AK4: variants seen among roughly 807,000 people sequenced by gnomAD.
AK4 encodes adenylate kinase 4, also known as adenylate kinase 4, mitochondrial.
Under a neutral mutation model 24.6 loss-of-function variants are expected in AK4, and 13 were observed. The observed-to-expected ratio is 0.53, with a 90% CI of 0.34 to 0.84. AK4 has a LOEUF of 0.84. Among genes scored for constraint, AK4 ranks in the 40% least tolerant of loss-of-function variants. The pLI is 0.01. For synonymous variants in AK4, 88 were observed against 107.0 expected (o/e 0.82, Z 1.10); for missense variants, 192 against 288.2 (o/e 0.67, Z 2.42).
intron 2 of AK4, among the ~76,000 whole-genome samples, chr1:65,200,028 A>C (rs894269521): frequency 3.6e-5 from 4 of 112,526 alleles, no homozygotes; most frequent in African/African-American, 1.9e-4. Context: ...GCACTAAGAG[A>C]GACCACATGA....
intron 1 of AK4, among the ~76,000 whole-genome samples, chr1:65,189,125 G>T (rs558221838): frequency 3.3e-5 from 5 of 151,392 alleles, no homozygotes; most frequent in Non-Finnish European, 7.4e-5. Context: ...AGTAGAGATG[G>T]TATTTCACCA....
At chr1:65,158,998 C>G (rs1650068044) in intron 1 of AK4, among the ~76,000 whole-genome samples, 1 of 152,196 alleles carries the variant, frequency 6.6e-6, no homozygotes, top group Non-Finnish European at 1.5e-5. Flanking sequence ...AGTCTCACCT[C>G]TAAGTTCTGA....
intron 1 of AK4, among the ~76,000 whole-genome samples, chr1:65,175,500 C>T (rs920813567): frequency 2.6e-5 from 4 of 152,228 alleles, no homozygotes; most frequent in African/African-American, 4.8e-5. Flanking sequence ...GTGCATGGCA[C>T]AGCCGGATAG....
intron 2 of AK4, among the ~76,000 whole-genome samples, chr1:65,208,234 T>G (rs192436578): frequency 3.3e-5 from 5 of 152,318 alleles, no homozygotes; most frequent in Admixed American, 6.5e-5. Context: ...AGCTGCTGCT[T>G]CTTTTCACCA....
intron 2 of AK4, among the ~76,000 whole-genome samples, chr1:65,218,039 C>T (rs1652184850): frequency 2.0e-5 from 3 of 152,090 alleles, no homozygotes; most frequent in South Asian, 4.1e-4. Context: ...GGCGAGAATC[C>T]TGAAAATCAA....
At chr1:65,152,384 ATT>A (rs552572978) in intron 1 of AK4, among the ~76,000 whole-genome samples, 23 of 16,454 alleles carry the variant, frequency 1.4e-3, no homozygotes, top group African/African-American at 3.0e-3. Flanking sequence ...ATATATATAT[ATT>A]TTTTTTTTTT....
intron 2 of AK4, among the ~76,000 whole-genome samples, chr1:65,214,921 C>T (rs1402592806): frequency 6.6e-6 from 1 of 152,142 alleles, no homozygotes; most frequent in Non-Finnish European, 1.5e-5. Flanking sequence ...ACTTGTTCTT[C>T]AAAGTGGTTT....
intron 1 of AK4, among the ~76,000 whole-genome samples, chr1:65,159,702 G>T (rs1022270094): frequency 2.6e-5 from 4 of 151,912 alleles, no homozygotes; most frequent in Non-Finnish European, 4.4e-5. Flanking sequence ...GGGCGTGGTG[G>T]CTCATGCCTG....
chr1:65,211,326 C>T (rs765088201), intron 2 of AK4, among the ~76,000 whole-genome samples: 13 of 152,254 alleles, frequency 8.5e-5, no homozygotes, highest in Non-Finnish European at 1.6e-4. Context: ...AAAATCTGGT[C>T]TGTGCGTGTA....
At chr1:65,190,077 A>C in intron 1 of AK4, among the ~76,000 whole-genome samples, 1 of 152,086 alleles carries the variant, frequency 6.6e-6, no homozygotes, top group East Asian at 1.9e-4. Context: ...GTTCCTTGTT[A>C]CCATAAACTG....
chr1:65,205,719 A>G (rs1321953074), intron 2 of AK4, among the ~76,000 whole-genome samples: 3 of 152,046 alleles, frequency 2.0e-5, no homozygotes, highest in Admixed American at 6.5e-5. Flanking sequence ...CCTGTGTTAT[A>G]TCCTTTTTGT....
At position 65,226,184 on chromosome 1, in the gene AK4, C is replaced by T. The variant is rs1652455900; in HGVS notation, c.*7C>T. ...GTCCAAAGAAGCATATTGACCCTGCCCAATGGAAGAACCAGGAAGATGTGG... is the reference window on the plus strand; with the variant it reads ...GTCCAAAGAAGCATATTGACCCTGCTCAATGGAAGAACCAGGAAGATGTGG... On this transcript the variant is annotated 3_prime_UTR_variant, in exon 5 of 5. Transcript: ENST00000327299. 6.3e-7 allele frequency: 1 copy of T among 1,590,808 alleles called. No individual in the cohort carries two copies. Among genetic ancestry groups the T allele is most frequent in the South Asian group, 1.1e-5 (1 of 88,848 alleles).
intron 1 of AK4, among the ~76,000 whole-genome samples, chr1:65,180,699 G>A (rs1252790272): frequency 6.6e-6 from 1 of 152,086 alleles, no homozygotes; most frequent in Non-Finnish European, 1.5e-5. Flanking sequence ...TTCTACTTCA[G>A]TGCCAAAATA....
intron 1 of AK4, among the ~76,000 whole-genome samples, chr1:65,182,972 T>C (rs1251433541): frequency 1.3e-5 from 2 of 152,212 alleles, no homozygotes; most frequent in African/African-American, 2.4e-5. Flanking sequence ...ACTTTTGCTA[T>C]TGAAAGCTTT....
intron 2 of AK4, among the ~76,000 whole-genome samples, chr1:65,205,523 C>CT (rs1420351108): frequency 1.7e-4 from 26 of 152,220 alleles, no homozygotes; most frequent in Admixed American, 1.7e-3. Flanking sequence ...GCGTGAGCCA[C>CT]TATGCACAGC....
At chr1:65,152,112 A>G (rs529622978) in intron 1 of AK4, among the ~76,000 whole-genome samples, 12 of 152,100 alleles carry the variant, frequency 7.9e-5, no homozygotes, top group African/African-American at 2.4e-4. Flanking sequence ...CTGATATTTA[A>G]TGATAGATTC....
At chr1:65,184,275 C>A (rs1469360538) in intron 1 of AK4, among the ~76,000 whole-genome samples, 1 of 152,142 alleles carries the variant, frequency 6.6e-6, no homozygotes, top group East Asian at 1.9e-4. Flanking sequence ...ATCCATCTAT[C>A]TTTCTCTCTA....
intron 1 of AK4, among the ~76,000 whole-genome samples, chr1:65,189,299 T>G (rs1410588608): frequency 6.6e-6 from 1 of 150,766 alleles, no homozygotes; most frequent in African/African-American, 2.4e-5. Context: ...TTTTTTTTTT[T>G]TTTTGAGATG....
chr1:65,158,668 A>C (rs6680612), intron 1 of AK4, among the ~76,000 whole-genome samples: 1 of 149,758 alleles, frequency 6.7e-6, no homozygotes, highest in African/African-American at 2.4e-5. Context: ...GACCTGCTAA[A>C]TTTTTTTTTT....
Sources: allele counts gnomAD v4.1 joint callset (sites outside exome capture counted in the v4.1 genomes callset), GRCh38; gene constraint gnomAD v4.1.1; transcripts MANE v1.5; gene names NCBI Gene and HGNC (gene_info 2026-07-23, HGNC 2026-07-21).